Variants in NDE1 observed in about 807,000 individuals in gnomAD.
NDE1 encodes the protein nudE neurodevelopment protein 1, also known as nuclear distribution protein nudE homolog 1.
A neutral mutation model predicts 43.4 loss-of-function variants in NDE1; 28 were observed. The ratio of observed to expected loss-of-function variants is 0.65; its 90% CI spans 0.48 to 0.89. The LOEUF is 0.89. Among genes scored for constraint, NDE1 ranks in the 40% least tolerant of loss-of-function variants. The pLI is 0.00. For synonymous variants in NDE1, 184 were observed against 172.0 expected, an observed-to-expected ratio of 1.07 and a Z score of -0.55; for missense variants, 441 against 434.1, an observed-to-expected ratio of 1.02 and a Z score of -0.14.
intron 1 of NDE1, chr16:15,651,868 AACTTG>A (rs973082523): frequency 3.9e-5 from 6 of 152,124 alleles, no homozygotes; most frequent in South Asian, 2.1e-4. Context: ...ACAGTTTATT[AACTTG>A]ACTTATTTTT....
intron 2 of NDE1, among the ~76,000 whole-genome samples, chr16:15,665,597 C>G (rs924210023): frequency 3.3e-5 from 5 of 151,922 alleles, no homozygotes; most frequent in African/African-American, 9.7e-5. Flanking sequence ...GCACCCACCA[C>G]CACGCCTGGC....
At chr16:15,723,001 C>T (rs994474979) in intron 8 of NDE1, among the ~76,000 whole-genome samples, 6 of 152,194 alleles carry the variant, frequency 3.9e-5, no homozygotes, top group African/African-American at 1.4e-4. Flanking sequence ...GCCTCAGCCT[C>T]CCAAAGTGCT....
intron 8 of NDE1, among the ~76,000 whole-genome samples, chr16:15,708,359 C>T (rs1453266594): frequency 3.3e-5 from 5 of 152,198 alleles, no homozygotes; most frequent in East Asian, 1.9e-4. Flanking sequence ...AAGCCAAGTA[C>T]GTTCTCCAGG....
chr16:15,653,894 A>AT (rs1464223239), intron 1 of NDE1, among the ~76,000 whole-genome samples: 2 of 151,506 alleles, frequency 1.3e-5, no homozygotes, highest in Non-Finnish European at 1.5e-5. Flanking sequence ...CACCTGGCTA[A>AT]TTTTTTTGTG....
chr16:15,718,552 G>A, intron 8 of NDE1: 1 of 1,413,962 alleles, frequency 7.1e-7, no homozygotes, highest in South Asian at 1.4e-5. Context: ...GGGTGAAACT[G>A]AGGCTTGGAG....
intron 8 of NDE1, among the ~76,000 whole-genome samples, chr16:15,707,719 C>G (rs537312030): frequency 3.3e-5 from 5 of 152,278 alleles, no homozygotes; most frequent in East Asian, 1.9e-4. Flanking sequence ...TGCTTGTAAT[C>G]CCAGCATTTG....
At chr16:15,694,717 T>C in intron 7 of NDE1, 1 of 985,328 alleles carries the variant, frequency 1.0e-6, no homozygotes, top group Non-Finnish European at 1.2e-6. Flanking sequence ...CATTAGAGCT[T>C]CCTGTGGGAG....
chr16:15,720,726 C>G (rs1010572384), intron 8 of NDE1: 1 of 1,196,744 alleles, frequency 8.4e-7, no homozygotes, highest in Non-Finnish European at 1.2e-6. Flanking sequence ...GAGCGAGACT[C>G]TGTTTCAAAA....
At chr16:15,684,593 G>A (rs192431142) in intron 4 of NDE1, 2 of 147,632 alleles carry the variant, frequency 1.4e-5, no homozygotes, top group Admixed American at 1.4e-4. Flanking sequence ...AAAAGGCACT[G>A]AAGCTGGTCC....
intron 4 of NDE1, among the ~76,000 whole-genome samples, chr16:15,685,121 T>C (rs2038373232): frequency 6.6e-6 from 1 of 152,278 alleles, no homozygotes; most frequent in Admixed American, 6.5e-5. Context: ...TCTGCATTTC[T>C]GCAAGCATTC....
chr16:15,689,048 TG>T (rs1248095748), intron 5 of NDE1, among the ~76,000 whole-genome samples: 1 of 151,882 alleles, frequency 6.6e-6, no homozygotes, highest in Non-Finnish European at 1.5e-5. Flanking sequence ...AACCAGTAGG[TG>T]GGGGATAAAA....
At chr16:15,723,819 A>C (rs573907018) in intron 8 of NDE1, among the ~76,000 whole-genome samples, 2 of 152,342 alleles carry the variant, frequency 1.3e-5, no homozygotes, top group African/African-American at 4.8e-5. Flanking sequence ...ATTACTTGGA[A>C]TACTACTCAA....
intron 3 of NDE1, among the ~76,000 whole-genome samples, chr16:15,676,287 G>A (rs1349886739): frequency 7.2e-6 from 1 of 138,904 alleles, no homozygotes; most frequent in African/African-American, 2.7e-5. Flanking sequence ...GTGCAGTGGT[G>A]CAACCTCCGC....
Position 15,694,146 on chromosome 16 carries a change from C to T in NDE1, c.704-19C>T, listed in dbSNP as rs553558663. 2.4e-5 allele frequency: 38 copies of T among 1,611,670 alleles called. No individual in the cohort carries two copies. The highest frequency in any genetic ancestry group is 2.5e-6 in the Non-Finnish European group (3 of 1,179,868). On this transcript the variant is annotated intron_variant, in intron 6 of 8. Coordinates refer to ENST00000396354, the MANE Select transcript of NDE1 (RefSeq NM_017668.3). ...ACTATAGGTTGGTGAGTTACATGCT[C>T]TTCCCTTTGCACACCCAGGCCTGGA... is the stretch of plus-strand genomic sequence containing the variant.
chr16:15,724,587 G>T lies in NDE1; in HGVS notation c.*336G>T. 1 of 1,610,886 alleles carries T rather than the reference G, an allele frequency of 6.2e-7. No homozygotes were observed. Among genetic ancestry groups the T allele is most frequent in the Non-Finnish European group, 8.5e-7 (1 of 1,178,440 alleles). On this transcript the variant is annotated 3_prime_UTR_variant, in exon 9 of 9. Coordinates refer to ENST00000396354, the MANE Select transcript of NDE1 (RefSeq NM_017668.3). ...ACTCCACCGCGATCTGCCTGCGGGG[G>T]ATCTCAGCGCAGAGAAGTTGAGAGG... is the stretch of plus-strand genomic sequence containing the variant.
intron 8 of NDE1, among the ~76,000 whole-genome samples, chr16:15,711,681 G>A (rs1474972856): frequency 6.6e-6 from 1 of 152,088 alleles, no homozygotes; most frequent in Non-Finnish European, 1.5e-5. Flanking sequence ...TCTGCCTGGT[G>A]CTGTCCTAGA....
At chr16:15,707,670 G>C (rs1458736932) in intron 8 of NDE1, among the ~76,000 whole-genome samples, 5 of 152,206 alleles carry the variant, frequency 3.3e-5, no homozygotes, top group Non-Finnish European at 7.3e-5. Context: ...GGTGAAGTCA[G>C]ATCCACATGG....
At chr16:15,720,241 C>CT in intron 8 of NDE1, 1 of 1,614,006 alleles carries the variant, frequency 6.2e-7, no homozygotes, top group Non-Finnish European at 8.5e-7. Context: ...CCCCTTCCAG[C>CT]TTCTTCTTTG....
At chr16:15,709,237 C>T (rs768899078) in intron 8 of NDE1, among the ~76,000 whole-genome samples, 14 of 151,922 alleles carry the variant, frequency 9.2e-5, no homozygotes, top group Non-Finnish European at 1.8e-4. Context: ...CATGAACCAC[C>T]GCACCTGGCA....
Sources: allele counts gnomAD v4.1 joint callset (sites outside exome capture counted in the v4.1 genomes callset), GRCh38; gene constraint gnomAD v4.1.1; transcripts MANE v1.5; gene names NCBI Gene and HGNC (gene_info 2026-07-23, HGNC 2026-07-21).